The following NAA40 variants were observed in gnomAD, a reference collection of about 807,000 sequenced individuals.
The protein encoded by NAA40 is N-alpha-acetyltransferase 40, NatD catalytic subunit, also known as N-alpha-acetyltransferase 40.
Under a neutral mutation model 36.6 loss-of-function variants are expected in NAA40, and 26 were observed. The observed-to-expected ratio is 0.71, with a 90% confidence interval of 0.52 to 0.98. NAA40 has a LOEUF of 0.98. Among genes scored for constraint, NAA40 ranks in the 50% least tolerant of loss-of-function variants. NAA40 has a pLI of 0.00. For synonymous variants in NAA40, 129 were observed against 108.4 expected, an observed-to-expected ratio of 1.19 and a Z score of -1.18; for missense variants, 237 against 306.5, an observed-to-expected ratio of 0.77 and a Z score of 1.69.
intron 1 of NAA40, among the ~76,000 whole-genome samples, chr11:63,940,956 C>A (rs1482362547): frequency 6.6e-6 from 1 of 152,184 alleles, no homozygotes; most frequent in Non-Finnish European, 1.5e-5. Context: ...GAAGCAGCCA[C>A]TGCGGATTAA....
At chr11:63,941,361 G>A (rs1454522960) in intron 1 of NAA40, among the ~76,000 whole-genome samples, 2 of 152,166 alleles carry the variant, frequency 1.3e-5, no homozygotes, top group African/African-American at 4.8e-5. Flanking sequence ...TGCCACACAC[G>A]TGTCCTAGTT....
rs868032003 is a variant in NAA40, at chr11:63,954,457, A to G, written c.692A>G (p.His231Arg). The G allele has an allele frequency of 6.2e-7, 1 of 1,605,380 alleles. No individual in the cohort carries two copies. The highest frequency in any genetic ancestry group is 8.5e-7 in the Non-Finnish European group (1 of 1,176,502). The part of the protein sequence containing the change: ...GDSHHSHAGG[H>R]CGGCCH ...AGCCATCACTCCCACGCGGGTGGGC[A>G]CTGTGGTGGCTGCTGCCACTGAACT... is the stretch of plus-strand genomic sequence containing the variant. Residue 231 changes from histidine (H) to arginine (R), a missense_variant, in exon 8 of 8, where the codon CAC (histidine) becomes CGC (arginine). Transcript: ENST00000377793.
intron 1 of NAA40, 110 bp from the exon 2 acceptor site, chr11:63,945,730 T>C (rs1369026433): frequency 1.1e-6 from 1 of 947,310 alleles, no homozygotes; most frequent in Non-Finnish European, 1.7e-6. Flanking sequence ...GGGAAATTTC[T>C]CACTGCTGGG....
At chr11:63,950,614 C>T (rs1942264853) in intron 3 of NAA40, among the ~76,000 whole-genome samples, 1 of 152,000 alleles carries the variant, frequency 6.6e-6, no homozygotes, top group Admixed American at 6.6e-5. Context: ...AGGCACCCCC[C>T]ACCACGCCCG....
At position 63,954,460 on chromosome 11, in the gene NAA40, G is replaced by A. The variant is rs776453438; in HGVS notation, c.695G>A (p.Cys232Tyr). 1.2e-6 allele frequency: 2 copies of A among 1,602,020 alleles called. No individual in the cohort carries two copies. The highest frequency in any genetic ancestry group is 1.7e-6 in the Non-Finnish European group (2 of 1,175,348). ...DSHHSHAGGH[C>Y]GGCCH ...CATCACTCCCACGCGGGTGGGCACT[G>A]TGGTGGCTGCTGCCACTGAACTCTC... Residue 232 changes from cysteine to tyrosine, a missense_variant, in exon 8 of 8, where the codon TGT becomes TAT. Transcript: ENST00000377793.
chr11:63,946,193 AG>A, intron 2 of NAA40: 2 of 486,116 alleles, frequency 4.1e-6, no homozygotes, highest in Non-Finnish European at 7.4e-6. Flanking sequence ...TGAATAGAGG[AG>A]GATCTAGATA....
At chr11:63,946,765 C>T in intron 2 of NAA40, 186 bp from the exon 3 acceptor site, 1 of 1,535,092 alleles carries the variant, frequency 6.5e-7, no homozygotes, top group Non-Finnish European at 8.7e-7. Context: ...TCCACCAAAG[C>T]CTTCCTCGCA....
At chr11:63,951,407 G>A (rs946169028) in intron 3 of NAA40, among the ~76,000 whole-genome samples, 3 of 152,054 alleles carry the variant, frequency 2.0e-5, no homozygotes, top group Admixed American at 2.0e-4. Flanking sequence ...GCAATGGCAC[G>A]ATCTTGGCTC....
chr11:63,949,272 T>C (rs563645216), intron 3 of NAA40, among the ~76,000 whole-genome samples: 58 of 152,340 alleles, frequency 3.8e-4, no homozygotes, highest in South Asian at 1.9e-3. Flanking sequence ...TGTAAAGTGT[T>C]AGTTCCTGCA....
At position 63,955,604 on chromosome 11, in the gene NAA40, T is replaced by G. The variant is rs1942351556; in HGVS notation, c.*1125T>G. On this transcript the variant is annotated 3_prime_UTR_variant, in exon 8 of 8. Transcript: ENST00000377793. Reference sequence around the variant, plus strand: ...TGCCTCAGTGAGGCACTAGTGCCACTGCCGTGGCCCAGCCGGGCCATAGCT... The same window carrying G: ...TGCCTCAGTGAGGCACTAGTGCCACGGCCGTGGCCCAGCCGGGCCATAGCT... 1 of 152,648 alleles carries G rather than the reference T, an allele frequency of 6.6e-6. No homozygotes were observed. The highest frequency in any genetic ancestry group is 1.5e-5 in the Non-Finnish European group (1 of 68,074). The allele number at this position is 152,648 out of a possible 1,614,324, so 9.5% of individuals were successfully genotyped here. A position where few individuals can be genotyped will look rare whatever the true frequency, so the allele number is the denominator to read the frequency against.
chr11:63,954,032 C>T lies in NAA40; in HGVS notation c.555C>T (p.Phe185=), dbSNP rs754089884. 2 of 1,614,162 alleles carry T rather than the reference C, an allele frequency of 1.2e-6. No individual in the cohort carries two copies. Among genetic ancestry groups the T allele is most frequent in the Non-Finnish European group, 1.7e-6 (2 of 1,180,034 alleles). The change falls in exon 7 of 8, where the codon TTC becomes TTT. Residue 185 remains phenylalanine, a synonymous_variant. Coordinates refer to ENST00000377793, the MANE Select transcript of NAA40 (RefSeq NM_024771.4). ...AACACAATCATGGTGCCTACCAGTT[C>T]TTCAGAGAAGCGTTGCAGTAAGGAG... ...VFKHNHGAYQ[F]FREALQFEID...
rs946083480 is a variant in NAA40, at chr11:63,954,553, G to A, written c.*74G>A. 1.3e-5 allele frequency: 20 copies of A among 1,490,246 alleles called. No homozygotes were observed. The Admixed American group carries it at 1.6e-4, about 12-fold the overall frequency. 92.3% of individuals were successfully genotyped at this position (1,490,246 alleles called of 1,614,324 possible). ...CTCTTTCCTGGTCTCACTGTTCACC[G>A]GGTGTCCTCAGAGCTGTGGCCTCCC... On this transcript the variant is annotated 3_prime_UTR_variant, in exon 8 of 8. Transcript: ENST00000377793.
chr11:63,946,798 A>G (rs1942194014), intron 2 of NAA40, 153 bp from the exon 3 acceptor site: 2 of 1,552,438 alleles, frequency 1.3e-6, no homozygotes, highest in Non-Finnish European at 8.7e-7. Flanking sequence ...GAGCTAGGCA[A>G]ATGGTGGGTT....
intron 3 of NAA40, among the ~76,000 whole-genome samples, chr11:63,951,475 C>T (rs191540870): frequency 1.1e-4 from 16 of 152,306 alleles, no homozygotes; most frequent in Middle Eastern, 3.4e-3. Flanking sequence ...TCCCGAGTAG[C>T]TGGGATTACA....
In NAA40 at chr11:63,939,088, G is replaced by A. The variant is rs757261985; in HGVS notation, c.-9G>A. On this transcript the variant is annotated 5_prime_UTR_variant, in exon 1 of 8. Coordinates refer to ENST00000377793, the MANE Select transcript of NAA40 (RefSeq NM_024771.4). Reference sequence around the variant, plus strand: ...TGTGAAGAAGAAGCTGAGCGTTGTCGCCGCCGCTATGGGGGTGAGTGAGGC... The same window carrying A: ...TGTGAAGAAGAAGCTGAGCGTTGTCACCGCCGCTATGGGGGTGAGTGAGGC... 1.9e-6 allele frequency: 3 copies of A among 1,604,376 alleles called. No homozygotes were observed. Among genetic ancestry groups the A allele is most frequent in the Admixed American group, 3.4e-5 (2 of 59,544 alleles).
chr11:63,954,157 G>T (rs547450132), intron 7 of NAA40, 108 bp downstream of exon 7: 2 of 1,374,168 alleles, frequency 1.5e-6, no homozygotes, highest in Non-Finnish European at 2.0e-6. Flanking sequence ...TGGTCCAGTG[G>T]TCCATGGGGG....
intron 1 of NAA40, among the ~76,000 whole-genome samples, chr11:63,943,998 A>G (rs1200928101): frequency 6.6e-6 from 1 of 152,100 alleles, no homozygotes; most frequent in Non-Finnish European, 1.5e-5. Context: ...TCCTCTAGGG[A>G]GGTAAGATAT....
In NAA40 at chr11:63,952,769, T is replaced by C. The variant is rs781234875; in HGVS notation, c.424T>C (p.Leu142=). 1.2e-6 allele frequency: 2 copies of C among 1,614,072 alleles called. No homozygotes were observed. The highest frequency in any genetic ancestry group is 1.7e-6 in the Non-Finnish European group (2 of 1,180,030). The change falls in exon 6 of 8, where the codon TTG becomes CTG. Residue 142 remains leucine (L), a synonymous_variant. Transcript: ENST00000377793. ...DEVLYCYEVQ[L]ESKVRRKGLG... ...TTCTTCACCTAGCTATGAAGTGCAG[T>C]TGGAAAGCAAGGTGCGGCGGAAAGG...
rs1942335911 is a variant in NAA40 at position 63,954,655 on chromosome 11, C to T, written c.*176C>T. 1.7e-6 allele frequency: 1 copy of T among 574,590 alleles called. No homozygotes were observed. The highest frequency in any genetic ancestry group is 3.5e-5 in the East Asian group (1 of 28,976). The allele number at this position is 574,590 out of a possible 1,614,324, so 35.6% of individuals were successfully genotyped here. On this transcript the variant is annotated 3_prime_UTR_variant, in exon 8 of 8. Coordinates refer to ENST00000377793, the MANE Select transcript of NAA40 (RefSeq NM_024771.4). ...AGTGGTATCAGCTGCTCCTCCTCTCCTAGGAGACCAGAGTGCTAGAAGGGA... is the reference window on the plus strand; with the variant it reads ...AGTGGTATCAGCTGCTCCTCCTCTCTTAGGAGACCAGAGTGCTAGAAGGGA...
Sources: allele counts gnomAD v4.1 joint callset (sites outside exome capture counted in the v4.1 genomes callset), GRCh38; gene constraint gnomAD v4.1.1; transcripts MANE v1.5; gene names NCBI Gene and HGNC (gene_info 2026-07-23, HGNC 2026-07-21).